The following SH3GL2 variants were observed in gnomAD, a reference collection of about 807,000 sequenced individuals.
SH3GL2 encodes the protein endophilin-A1.
In SH3GL2, 24 loss-of-function variants were observed where a neutral mutation model predicts 46.0. That is an observed-to-expected ratio of 0.52 (90% CI 0.38 to 0.73). The LOEUF is 0.73. SH3GL2 is among the 30% of genes least tolerant of loss of function. SH3GL2 has a pLI of 0.00. For synonymous variants in SH3GL2, 196 were observed against 147.1 expected (o/e 1.33, Z -2.40); for missense variants, 413 against 424.2 (o/e 0.97, Z 0.23).
intron 1 of SH3GL2, among the ~76,000 whole-genome samples, chr9:17,625,600 G>A (rs1386218722): frequency 6.6e-6 from 1 of 152,226 alleles, no homozygotes; most frequent in Non-Finnish European, 1.5e-5. Flanking sequence ...GGGAAAGTTA[G>A]TCTCTTTTCC....
chr9:17,720,948 G>C (rs1036180860), intron 1 of SH3GL2, among the ~76,000 whole-genome samples: 3 of 152,114 alleles, frequency 2.0e-5, no homozygotes, highest in Non-Finnish European at 4.4e-5. Flanking sequence ...GGATTGAGTG[G>C]TAGTGTGTTG....
At chr9:17,655,950 T>G (rs1437994435) in intron 1 of SH3GL2, among the ~76,000 whole-genome samples, 2 of 152,204 alleles carry the variant, frequency 1.3e-5, no homozygotes, top group Admixed American at 6.5e-5. Flanking sequence ...AAGCCCAACT[T>G]GGCACATTTT....
intron 1 of SH3GL2, among the ~76,000 whole-genome samples, chr9:17,579,568 G>C (rs899938920): frequency 6.6e-6 from 1 of 152,138 alleles, no homozygotes. Flanking sequence ...TCTCGCGCCC[G>C]TGCTGCAGGA....
At chr9:17,743,369 A>G (rs1013718159) in intron 1 of SH3GL2, among the ~76,000 whole-genome samples, 3 of 152,146 alleles carry the variant, frequency 2.0e-5, no homozygotes, top group East Asian at 1.9e-4. Flanking sequence ...TTTTATATCA[A>G]CCAACCATTC....
At chr9:17,626,909 T>C (rs898727057) in intron 1 of SH3GL2, among the ~76,000 whole-genome samples, 4 of 151,964 alleles carry the variant, frequency 2.6e-5, no homozygotes, top group Non-Finnish European at 2.9e-5. Flanking sequence ...ACTACCAAAT[T>C]TGGGGGCTGG....
chr9:17,694,253 T>C (rs1821151588), intron 1 of SH3GL2, among the ~76,000 whole-genome samples: 1 of 152,186 alleles, frequency 6.6e-6, no homozygotes, highest in African/African-American at 2.4e-5. Context: ...CTTAGGAAAC[T>C]TAAAACCATG....
At chr9:17,634,790 T>C (rs1819505521) in intron 1 of SH3GL2, among the ~76,000 whole-genome samples, 1 of 152,178 alleles carries the variant, frequency 6.6e-6, no homozygotes, top group South Asian at 2.1e-4. Context: ...CAGACACTCT[T>C]CTGGCCCTGG....
intron 1 of SH3GL2, among the ~76,000 whole-genome samples, chr9:17,648,803 T>C (rs1010662835): frequency 6.6e-6 from 1 of 152,160 alleles, no homozygotes; most frequent in Non-Finnish European, 1.5e-5. Context: ...TTCATTCAGG[T>C]TGAAAATGAT....
intron 1 of SH3GL2, among the ~76,000 whole-genome samples, chr9:17,723,875 G>T (rs2118362725): frequency 6.6e-6 from 1 of 152,082 alleles, no homozygotes; most frequent in Admixed American, 6.5e-5. Context: ...ATCTTATTGT[G>T]ATGCCATCAT....
chr9:17,750,194 T>G (rs2131135366), intron 2 of SH3GL2, among the ~76,000 whole-genome samples: 1 of 152,288 alleles, frequency 6.6e-6, no homozygotes, highest in South Asian at 2.1e-4. Flanking sequence ...AATTGATTAT[T>G]CACACAAATG....
intron 3 of SH3GL2, among the ~76,000 whole-genome samples, chr9:17,763,851 C>T (rs1442702421): frequency 2.0e-5 from 3 of 152,176 alleles, no homozygotes; most frequent in Non-Finnish European, 4.4e-5. Context: ...CTGCACTTCA[C>T]GTTGCACGAT....
chr9:17,771,867 C>G (rs769928135), intron 3 of SH3GL2, among the ~76,000 whole-genome samples: 9 of 151,586 alleles, frequency 5.9e-5, no homozygotes, highest in Non-Finnish European at 1.0e-4. Context: ...GTAGCACGAT[C>G]CAGTGCTAGG....
chr9:17,794,380 AAG>A (rs1170767281), intron 8 of SH3GL2, among the ~76,000 whole-genome samples: 1 of 152,150 alleles, frequency 6.6e-6, no homozygotes, highest in Non-Finnish European at 1.5e-5. Context: ...GAGACTTATT[AAG>A]AAAAAAAGCG....
intron 1 of SH3GL2, among the ~76,000 whole-genome samples, chr9:17,720,144 C>T (rs1821858481): frequency 6.6e-6 from 1 of 151,994 alleles, no homozygotes; most frequent in Non-Finnish European, 1.5e-5. Context: ...TTAGCAACAT[C>T]CCCTCTCCCA....
chr9:17,618,495 T>G (rs1333192949), intron 1 of SH3GL2, among the ~76,000 whole-genome samples: 4 of 152,114 alleles, frequency 2.6e-5, no homozygotes, highest in African/African-American at 7.2e-5. Flanking sequence ...GTTTGGAAAT[T>G]TAAAAAACGC....
At chr9:17,641,842 G>C (rs1290122076) in intron 1 of SH3GL2, among the ~76,000 whole-genome samples, 1 of 152,002 alleles carries the variant, frequency 6.6e-6, no homozygotes, top group Non-Finnish European at 1.5e-5. Context: ...GTCTATCACT[G>C]ATGGGCATTT....
intron 1 of SH3GL2, among the ~76,000 whole-genome samples, chr9:17,664,466 T>C (rs1218586462): frequency 6.6e-6 from 1 of 152,132 alleles, no homozygotes; most frequent in Non-Finnish European, 1.5e-5. Context: ...TTTTTTGCAC[T>C]TTAAAAATGA....
At chr9:17,787,292 C>T in intron 4 of SH3GL2, 88 bp from the exon 5 acceptor site, 1 of 1,047,062 alleles carries the variant, frequency 9.6e-7, no homozygotes, top group Non-Finnish European at 1.4e-6. Flanking sequence ...AGTGGTAATC[C>T]TTTGGGTTTT....
At chr9:17,658,366 C>T (rs1011005542) in intron 1 of SH3GL2, among the ~76,000 whole-genome samples, 1 of 152,152 alleles carries the variant, frequency 6.6e-6, no homozygotes, top group Non-Finnish European at 1.5e-5. Flanking sequence ...TTGATTTCTT[C>T]CAGGGACATA....
Sources: gnomAD v4.1 joint callset for allele counts (sites outside exome capture counted in the v4.1 genomes callset) on GRCh38, gnomAD v4.1.1 for gene constraint, MANE v1.5 for transcripts, NCBI Gene and HGNC (gene_info 2026-07-23, HGNC 2026-07-21) for gene names.